The following VSNL1 variants were observed in gnomAD, a reference collection of about 807,000 sequenced individuals.
VSNL1 encodes visinin like 1.
VSNL1 carries 6 observed loss-of-function variants against 20.4 expected under a neutral mutation model. The ratio of observed to expected loss-of-function variants is 0.29; its 90% confidence interval spans 0.16 to 0.58. The LOEUF is 0.58. Ranked by LOEUF, VSNL1 falls within the 20% of genes least tolerant of loss-of-function variation. VSNL1 has a pLI of 0.90. For synonymous variants in VSNL1, 93 were observed against 86.4 expected (o/e 1.08, Z -0.42); for missense variants, 100 against 234.5 (o/e 0.43, Z 3.75).
intron 2 of VSNL1, among the ~76,000 whole-genome samples, chr2:17,642,309 C>CTTTTTTTTTTTTTTTTTTTTTTTGTTTT (rs577471307): frequency 1.1e-5 from 1 of 93,194 alleles, no homozygotes; most frequent in Non-Finnish European, 2.3e-5. Flanking sequence ...GTGAGCATTC[C>CTTTTTTTTTTTTTTTTTTTTTTTGTTTT]TTTTTTTTTT....
At chr2:17,596,456 C>CTG (rs746389577) in intron 2 of VSNL1, among the ~76,000 whole-genome samples, 5 of 152,184 alleles carry the variant, frequency 3.3e-5, no homozygotes, top group Non-Finnish European at 7.3e-5. Context: ...ACAGAATTGG[C>CTG]CACGGTTTAA....
At chr2:17,602,307 A>G (rs998581861) in intron 2 of VSNL1, among the ~76,000 whole-genome samples, 1 of 152,218 alleles carries the variant, frequency 6.6e-6, no homozygotes, top group Non-Finnish European at 1.5e-5. Flanking sequence ...CATTCTCATG[A>G]CTACTGTGAT....
At chr2:17,608,615 A>G (rs1029952728) in intron 2 of VSNL1, among the ~76,000 whole-genome samples, 29 of 152,178 alleles carry the variant, frequency 1.9e-4, no homozygotes, top group African/African-American at 7.0e-4. Context: ...AATGGTGGTG[A>G]CATTTGGAAG....
intron 2 of VSNL1, among the ~76,000 whole-genome samples, chr2:17,633,524 GAA>G (rs1181223020): frequency 1.4e-5 from 2 of 139,602 alleles, no homozygotes; most frequent in Admixed American, 1.4e-4. Flanking sequence ...GTCTCAGAAA[GAA>G]AAAAAAAAAA....
intron 1 of VSNL1, among the ~76,000 whole-genome samples, chr2:17,560,248 T>G (rs748057869): frequency 1.3e-5 from 2 of 151,070 alleles, no homozygotes; most frequent in Non-Finnish European, 3.0e-5. Flanking sequence ...AGGGTTTTTA[T>G]TTTAGGCATG....
chr2:17,636,989 A>C (rs1299317823), intron 2 of VSNL1, among the ~76,000 whole-genome samples: 1 of 152,186 alleles, frequency 6.6e-6, no homozygotes, highest in Non-Finnish European at 1.5e-5. Context: ...TGAGGCATTG[A>C]GAGGAGAAAT....
intron 2 of VSNL1, among the ~76,000 whole-genome samples, chr2:17,611,751 C>T (rs934554285): frequency 2.6e-5 from 4 of 152,200 alleles, no homozygotes; most frequent in African/African-American, 9.7e-5. Flanking sequence ...TAATCCCCAC[C>T]CCATGCCCCA....
intron 2 of VSNL1, among the ~76,000 whole-genome samples, chr2:17,605,011 G>C (rs1285013493): frequency 6.6e-6 from 1 of 152,154 alleles, no homozygotes; most frequent in Non-Finnish European, 1.5e-5. Context: ...TAAGACACAG[G>C]GTTCTTACAG....
intron 1 of VSNL1, among the ~76,000 whole-genome samples, chr2:17,552,425 A>G (rs1490234865): frequency 3.3e-5 from 5 of 149,898 alleles, no homozygotes; most frequent in Non-Finnish European, 7.4e-5. Flanking sequence ...GTTCTACCAA[A>G]CTACAACCAA....
intron 1 of VSNL1, among the ~76,000 whole-genome samples, chr2:17,577,637 T>G (rs1424330152): frequency 6.6e-6 from 1 of 152,146 alleles, no homozygotes. Flanking sequence ...TGGCTACCCT[T>G]CTATTTAGCA....
rs1365993298 is a variant in VSNL1 at position 17,622,611 on chromosome 2, A to T, written c.163-26799A>T. 1.4e-5 allele frequency among the ~76,000 whole-genome samples: 2 copies of T among 140,128 alleles called. 1 individual carries two copies. Among genetic ancestry groups the T allele is most frequent in the Non-Finnish European group, 3.3e-5 (2 of 60,884 alleles). The allele number at this position is 140,128 out of a possible 152,430, so 91.9% of individuals were successfully genotyped here. A position where few individuals can be genotyped will look rare whatever the true frequency, so the allele number is the denominator to read the frequency against. ...AAGAAAGAAAGAAAGAAAAGAAAGA[A>T]AGATCTTCAATGAATCCTAGTAATG... On this transcript the variant is annotated intron_variant, in intron 2 of 3. Coordinates refer to ENST00000295156, the MANE Select transcript of VSNL1 (RefSeq NM_003385.5).
At chr2:17,562,712 G>C (rs1330010727) in intron 1 of VSNL1, among the ~76,000 whole-genome samples, 1 of 152,192 alleles carries the variant, frequency 6.6e-6, no homozygotes, top group Non-Finnish European at 1.5e-5. Flanking sequence ...TAGCCCTCCA[G>C]AGCCATCAGG....
chr2:17,612,700 G>T (rs1665118339), intron 2 of VSNL1, among the ~76,000 whole-genome samples: 1 of 152,126 alleles, frequency 6.6e-6, no homozygotes, highest in Non-Finnish European at 1.5e-5. Context: ...CTTTGAAAAA[G>T]CTCCAAGATG....
intron 2 of VSNL1, among the ~76,000 whole-genome samples, chr2:17,641,958 C>T (rs1336039843): frequency 6.6e-6 from 1 of 152,140 alleles, no homozygotes; most frequent in Non-Finnish European, 1.5e-5. Flanking sequence ...AGTAACATCC[C>T]TTCTTTTTTA....
intron 2 of VSNL1, among the ~76,000 whole-genome samples, chr2:17,607,920 C>G (rs1190103807): frequency 6.6e-6 from 1 of 152,190 alleles, no homozygotes; most frequent in African/African-American, 2.4e-5. Flanking sequence ...TGCAACATAA[C>G]ATAACAGAAT....
At chr2:17,541,153 T>C (rs1663277240) in intron 1 of VSNL1, 1 of 151,954 alleles carries the variant, frequency 6.6e-6, no homozygotes, top group Non-Finnish European at 1.5e-5. Context: ...GTTTGGGGGA[T>C]TGTCTTAGAC....
chr2:17,565,092 T>C (rs1663906163), intron 1 of VSNL1, among the ~76,000 whole-genome samples: 1 of 152,206 alleles, frequency 6.6e-6, no homozygotes, highest in Admixed American at 6.5e-5. Context: ...GAGATGAACA[T>C]GATTACTGTC....
intron 1 of VSNL1, among the ~76,000 whole-genome samples, chr2:17,560,126 T>A (rs540719507): frequency 6.6e-6 from 1 of 151,456 alleles, no homozygotes; most frequent in African/African-American, 2.4e-5. Context: ...GACAAAGTGC[T>A]TATATGTAAC....
At chr2:17,625,068 G>A (rs1665477863) in intron 2 of VSNL1, among the ~76,000 whole-genome samples, 1 of 152,192 alleles carries the variant, frequency 6.6e-6, no homozygotes, top group Admixed American at 6.5e-5. Flanking sequence ...TTGTGGTGGT[G>A]AATAAGTCTC....
Sources: gnomAD v4.1 joint callset for allele counts (sites outside exome capture counted in the v4.1 genomes callset) on GRCh38, gnomAD v4.1.1 for gene constraint, MANE v1.5 for transcripts, NCBI Gene and HGNC (gene_info 2026-07-23, HGNC 2026-07-21) for gene names.